The following STX18 variants were observed in gnomAD, a reference collection of about 807,000 sequenced individuals.
The protein encoded by STX18 is syntaxin-18.
Under a neutral mutation model 50.1 loss-of-function variants are expected in STX18, and 40 were observed. The observed-to-expected ratio is 0.80, with a 90% CI of 0.62 to 1.04. STX18 has a LOEUF of 1.04. STX18 is among the 50% of genes least tolerant of loss of function. STX18 has a pLI of 0.00. For missense variants in STX18, 410 were observed against 415.8 expected, an observed-to-expected ratio of 0.99 and a Z score of 0.12; for synonymous variants, 158 against 151.8, an observed-to-expected ratio of 1.04 and a Z score of -0.30.
upstream of STX18, chr4:4,542,090 G>C: frequency 9.0e-6 from 11 of 1,220,948 alleles, no homozygotes; most frequent in Non-Finnish European, 1.2e-5. Context: ...GGCGACGCGA[G>C]AAGAAAGGTT....
chr4:4,541,878 G>GCCGCCCA lies in STX18; in HGVS notation c.80_86dup (p.Val31ArgfsTer48), dbSNP rs778113671. On this transcript the variant is annotated frameshift_variant, in exon 1 of 11. Coordinates refer to ENST00000306200, the MANE Select transcript of STX18 (RefSeq NM_016930.4). LOFTEE classifies it high-confidence loss of function. ...GCTCGTCCCGGCTGCCATCGACCCC[G>GCCGCCCA]CCGCCCACCGCCACTCCCAGCGCCT... The GCCGCCCA allele has an allele frequency of 5.0e-6, 8 of 1,603,004 alleles. No individual in the cohort carries two copies. The highest frequency in any genetic ancestry group is 6.8e-6 in the Non-Finnish European group (8 of 1,173,076).
At chr4:4,540,968 G>C (rs988835004) in intron 1 of STX18, among the ~76,000 whole-genome samples, 4 of 152,176 alleles carry the variant, frequency 2.6e-5, no homozygotes, top group African/African-American at 7.2e-5. Context: ...GAAGAGGGCA[G>C]ACAGAACTAT....
At chr4:4,469,282 T>C (rs997273988) in intron 2 of STX18, among the ~76,000 whole-genome samples, 2 of 152,068 alleles carry the variant, frequency 1.3e-5, no homozygotes, top group Non-Finnish European at 2.9e-5. Context: ...TTTTTAAAGG[T>C]TGTAAAAAAA....
chr4:4,532,266 C>T lies in STX18; in HGVS notation c.168+9531G>A, dbSNP rs144072927. Among the ~76,000 whole-genome samples the T allele has an allele frequency of 5.6e-3, 855 of 152,270 alleles. 6 individuals carry two copies. Among genetic ancestry groups the T allele is most frequent in the African/African-American group, 0.02 (811 of 41,560 alleles). On this transcript the variant is annotated intron_variant, in intron 1 of 10. Transcript: ENST00000306200. ...CTATGGCTATTTCCTGACACTGGTA[C>T]TAAATGTGAACTATTTTCTTCTTTA...
At chr4:4,491,679 C>G (rs11728689) in intron 1 of STX18, among the ~76,000 whole-genome samples, 5 of 151,986 alleles carry the variant, frequency 3.3e-5, no homozygotes, top group African/African-American at 1.2e-4. Flanking sequence ...AACAGTCTAA[C>G]GGTTGTCTTG....
chr4:4,481,973 T>C (rs990845457), intron 1 of STX18, among the ~76,000 whole-genome samples: 7 of 152,196 alleles, frequency 4.6e-5, no homozygotes, highest in Non-Finnish European at 1.0e-4. Context: ...CAATTCCTAC[T>C]GAGGGGGACA....
At chr4:4,482,509 C>T (rs1710891030) in intron 1 of STX18, among the ~76,000 whole-genome samples, 1 of 152,226 alleles carries the variant, frequency 6.6e-6, no homozygotes, top group Admixed American at 6.5e-5. Context: ...ACACTCTTCT[C>T]TCTTTTTCAC....
intron 1 of STX18, among the ~76,000 whole-genome samples, chr4:4,502,621 C>T (rs1729508114): frequency 6.6e-6 from 1 of 152,002 alleles, no homozygotes; most frequent in South Asian, 2.1e-4. Flanking sequence ...GTTGAGGAAA[C>T]TGTGTTGAAG....
chr4:4,473,656 C>A (rs1334946319), intron 1 of STX18, among the ~76,000 whole-genome samples: 3 of 152,118 alleles, frequency 2.0e-5, no homozygotes, highest in Non-Finnish European at 4.4e-5. Flanking sequence ...GGTGTTCATT[C>A]CATCACATAA....
At chr4:4,524,076 A>G (rs531289474) in intron 1 of STX18, among the ~76,000 whole-genome samples, 2 of 152,318 alleles carry the variant, frequency 1.3e-5, no homozygotes, top group Admixed American at 1.3e-4. Context: ...TCAAAGTCAG[A>G]CATTGTCTCA....
At chr4:4,521,203 C>T (rs983715184) in intron 1 of STX18, among the ~76,000 whole-genome samples, 1 of 152,170 alleles carries the variant, frequency 6.6e-6, no homozygotes, top group African/African-American at 2.4e-5. Context: ...GGCCTGGTTT[C>T]CTTTAGGTCC....
At chr4:4,444,208 G>C (rs1045202440) in intron 5 of STX18, among the ~76,000 whole-genome samples, 1 of 152,226 alleles carries the variant, frequency 6.6e-6, no homozygotes, top group African/African-American at 2.4e-5. Flanking sequence ...ACAAGCAGTA[G>C]TGGTTCTCCT....
chr4:4,485,822 G>A (rs539072771), intron 1 of STX18, among the ~76,000 whole-genome samples: 7 of 152,254 alleles, frequency 4.6e-5, no homozygotes, highest in African/African-American at 1.4e-4. Flanking sequence ...GCTCTCCTCC[G>A]TATCTTTTCT....
intron 3 of STX18, among the ~76,000 whole-genome samples, chr4:4,458,506 A>G (rs1577341154): frequency 6.6e-6 from 1 of 152,194 alleles, no homozygotes; most frequent in Non-Finnish European, 1.5e-5. Context: ...CTCCCCAACA[A>G]AAGTCTGTGT....
intron 2 of STX18, among the ~76,000 whole-genome samples, chr4:4,468,114 A>G (rs1262349366): frequency 6.6e-6 from 1 of 152,232 alleles, no homozygotes; most frequent in Non-Finnish European, 1.5e-5. Flanking sequence ...AGTGCACTTT[A>G]AAACTTTTTA....
rs181454057 is a variant in STX18 at position 4,473,520 on chromosome 4, C to A, written c.169-1814G>T. On this transcript the variant is annotated intron_variant, in intron 1 of 10. Coordinates refer to ENST00000306200, the MANE Select transcript of STX18 (RefSeq NM_016930.4). ...ATGTTAGCCAGGATGGTCCCGATCT[C>A]CGGACCTCGCGATCCGCCCGCCTCA... Among the ~76,000 whole-genome samples, 177 of 152,200 alleles carry A rather than the reference C, an allele frequency of 1.2e-3. 1 individual carries two copies. The highest frequency in any genetic ancestry group is 4.0e-3 in the African/African-American group (165 of 41,536).
rs200346149 is a variant in STX18 at position 4,541,992 on chromosome 4, A to T, written c.-28T>A. The T allele has an allele frequency of 1.3e-6, 2 of 1,552,360 alleles. No individual in the cohort carries two copies. The highest frequency in any genetic ancestry group is 5.0e-5 in the East Asian group (2 of 40,338). ...CGACCCGCACCCTCAGCCCCACACT[A>T]GGCCCGCCCACGTAAGCAGCCGGCG... is the stretch of plus-strand genomic sequence containing the variant. On this transcript the variant is annotated 5_prime_UTR_variant, in exon 1 of 11. Coordinates refer to ENST00000306200, the MANE Select transcript of STX18 (RefSeq NM_016930.4).
At chr4:4,490,431 C>G (rs529725166) in intron 1 of STX18, among the ~76,000 whole-genome samples, 1 of 152,224 alleles carries the variant, frequency 6.6e-6, no homozygotes, top group South Asian at 2.1e-4. Context: ...AGATTTAAAA[C>G]AAATTTCAGA....
intron 1 of STX18, among the ~76,000 whole-genome samples, chr4:4,479,975 C>T (rs922503071): frequency 2.0e-5 from 3 of 152,176 alleles, no homozygotes; most frequent in Non-Finnish European, 4.4e-5. Context: ...ATGAAAGTCC[C>T]ATAAGCATAT....
Sources: gnomAD v4.1 joint callset for allele counts (sites outside exome capture counted in the v4.1 genomes callset) on GRCh38, gnomAD v4.1.1 for gene constraint, MANE v1.5 for transcripts, NCBI Gene and HGNC (gene_info 2026-07-23, HGNC 2026-07-21) for gene names.